KANSL3: variants seen among roughly 807,000 people sequenced by gnomAD.
The protein encoded by KANSL3 is KAT8 regulatory NSL complex subunit 3.
KANSL3 carries 16 observed loss-of-function variants against 89.2 expected under a neutral mutation model. The ratio of observed to expected loss-of-function variants is 0.18; its 90% CI spans 0.12 to 0.27. The LOEUF (loss-of-function observed/expected upper bound fraction) is 0.27. Among genes scored for constraint, KANSL3 ranks in the 10% least tolerant of loss-of-function variants. The pLI is 1.00. For synonymous variants in KANSL3, 385 were observed against 419.7 expected (o/e 0.92, Z 1.01); for missense variants, 879 against 1,110.6 (o/e 0.79, Z 2.96).
At chr2:96,597,585 T>C (rs1323302076) in intron 20 of KANSL3, among the ~76,000 whole-genome samples, 5 of 152,118 alleles carry the variant, frequency 3.3e-5, no homozygotes, top group Non-Finnish European at 7.4e-5. Context: ...AGCAATTACA[T>C]ATCCACTTTA....
At chr2:96,609,823 C>T (rs1029747247) in intron 11 of KANSL3, among the ~76,000 whole-genome samples, 14 of 151,706 alleles carry the variant, frequency 9.2e-5, no homozygotes, top group South Asian at 2.1e-4. Flanking sequence ...CAGGACAGTC[C>T]GCTCCAGAAT....
intron 17 of KANSL3, chr2:96,603,257 G>A: frequency 6.2e-6 from 1 of 161,902 alleles, no homozygotes; most frequent in Non-Finnish European, 1.3e-5. Context: ...AATAAGAAAG[G>A]TTCTCTTAAA....
intron 14 of KANSL3, among the ~76,000 whole-genome samples, chr2:96,607,273 C>T (rs1280031670): frequency 6.6e-6 from 1 of 152,090 alleles, no homozygotes; most frequent in Non-Finnish European, 1.5e-5. Flanking sequence ...TACAGCAATG[C>T]GAGTGCCATG....
chr2:96,593,446 G>C lies in KANSL3; in HGVS notation c.*2165C>G. 2.6e-6 allele frequency: 1 copy of C among 389,470 alleles called. No homozygotes were observed. Among genetic ancestry groups the C allele is most frequent in the Non-Finnish European group, 5.1e-6 (1 of 195,830 alleles). 24.1% of individuals were successfully genotyped at this position (389,470 alleles called of 1,614,324 possible). A position where few individuals can be genotyped will look rare whatever the true frequency, so the allele number is the denominator to read the frequency against. ...TGGATTCCAGGTCTTCTATGAAATA[G>C]GTAAAGCTTCCTTTCGCGTTCCAAG... On this transcript the variant is annotated 3_prime_UTR_variant, in exon 21 of 21. Transcript: ENST00000431828.
rs752107807 is a variant in KANSL3, at chr2:96,593,227, C to T, written c.*2384G>A. 7.2e-5 allele frequency: 33 copies of T among 455,218 alleles called. No individual in the cohort carries two copies. Among genetic ancestry groups the T allele is most frequent in the Non-Finnish European group, 1.3e-4 (29 of 226,484 alleles). The allele number at this position is 455,218 out of a possible 1,614,324, so 28.2% of individuals were successfully genotyped here. A position where few individuals can be genotyped will look rare whatever the true frequency, so the allele number is the denominator to read the frequency against. On this transcript the variant is annotated 3_prime_UTR_variant, in exon 21 of 21. Coordinates refer to ENST00000431828, the MANE Select transcript of KANSL3 (RefSeq NM_001115016.3). ...AATGTAAAAACAGAACCATCACAGC[C>T]GCTCAGCTCTATAACCCATCCAGCC...
At chr2:96,624,603 C>T (rs1281673962) in intron 3 of KANSL3, among the ~76,000 whole-genome samples, 1 of 152,124 alleles carries the variant, frequency 6.6e-6, no homozygotes, top group Non-Finnish European at 1.5e-5. Flanking sequence ...CTCACTGTAA[C>T]CTCTGCCTCC....
chr2:96,600,975 C>T, intron 20 of KANSL3: 1 of 777,942 alleles, frequency 1.3e-6, no homozygotes, highest in Non-Finnish European at 1.6e-6. Context: ...TGAGATATCT[C>T]TGTCTCCATG....
chr2:96,586,118 G>A, the KANSL3 span, among the ~76,000 whole-genome samples: 1 of 151,850 alleles, frequency 6.6e-6, no homozygotes, highest in Non-Finnish European at 1.5e-5. Flanking sequence ...CCAGCTACTC[G>A]GGAGGCTGAG....
chr2:96,607,777 A>G (rs1001304375), intron 14 of KANSL3, among the ~76,000 whole-genome samples: 2 of 152,218 alleles, frequency 1.3e-5, no homozygotes, highest in Non-Finnish European at 2.9e-5. Context: ...TGTCTGCCAG[A>G]CAGCCAGCTC....
At chr2:96,590,436 G>T (rs1291264224), downstream of KANSL3, among the ~76,000 whole-genome samples, 1 of 151,848 alleles carries the variant, frequency 6.6e-6, no homozygotes, top group Non-Finnish European at 1.5e-5. Flanking sequence ...GGGACTACAG[G>T]TGCGCGGCAT....
intron 14 of KANSL3, 115 bp from the exon 15 acceptor site, chr2:96,605,626 A>G (rs2067862782): frequency 2.4e-6 from 2 of 843,210 alleles, no homozygotes; most frequent in Admixed American, 4.3e-5. Flanking sequence ...CAGGATAACC[A>G]CTCTACGTAC....
chr2:96,584,886 A>G, the KANSL3 span, among the ~76,000 whole-genome samples: 9 of 152,292 alleles, frequency 5.9e-5, no homozygotes, highest in Admixed American at 3.3e-4. Context: ...TATGCCTGAG[A>G]ACATTCTTAT....
the KANSL3 span, among the ~76,000 whole-genome samples, chr2:96,587,119 G>C: frequency 1.3e-5 from 2 of 152,128 alleles, no homozygotes; most frequent in African/African-American, 4.8e-5. Flanking sequence ...TTTAGTTTTT[G>C]GGGGGTGGTG....
chr2:96,616,980 C>G (rs1168775273), intron 5 of KANSL3, among the ~76,000 whole-genome samples: 2 of 152,210 alleles, frequency 1.3e-5, no homozygotes, highest in Non-Finnish European at 2.9e-5. Flanking sequence ...AACTGAGACC[C>G]TGGCCACTAC....
chr2:96,630,972 G>A (rs559414555), intron 3 of KANSL3, among the ~76,000 whole-genome samples: 4 of 152,134 alleles, frequency 2.6e-5, no homozygotes, highest in Non-Finnish European at 4.4e-5. Context: ...TTTTTTTGCA[G>A]TTTGGGTAAC....
intron 5 of KANSL3, among the ~76,000 whole-genome samples, chr2:96,617,675 A>G (rs1345682226): frequency 1.3e-5 from 2 of 152,148 alleles, no homozygotes; most frequent in African/African-American, 4.8e-5. Context: ...AGCCTATAGC[A>G]AGACCGTCTC....
At chr2:96,586,360 A>G in the KANSL3 span, among the ~76,000 whole-genome samples, 1 of 152,190 alleles carries the variant, frequency 6.6e-6, no homozygotes, top group East Asian at 1.9e-4. Flanking sequence ...AATCACCACT[A>G]AAGAACTTAC....
chr2:96,620,767 C>T (rs1298000044), intron 3 of KANSL3, among the ~76,000 whole-genome samples: 1 of 152,160 alleles, frequency 6.6e-6, no homozygotes, highest in Non-Finnish European at 1.5e-5. Flanking sequence ...CTTTGGGAGG[C>T]CAAGTGGAGT....
intron 3 of KANSL3, among the ~76,000 whole-genome samples, chr2:96,624,711 G>A (rs146806856): frequency 0.029 from 4,373 of 151,938 alleles, 90 homozygotes; most frequent in Non-Finnish European, 0.046. Flanking sequence ...TAGTAGAGGC[G>A]AGGTTTCACC....
Sources: allele counts gnomAD v4.1 joint callset (sites outside exome capture counted in the v4.1 genomes callset), GRCh38; gene constraint gnomAD v4.1.1; transcripts MANE v1.5; gene names NCBI Gene and HGNC (gene_info 2026-07-23, HGNC 2026-07-21).